The following NDUFB9 variants were observed in gnomAD, a reference collection of about 807,000 sequenced individuals.
NDUFB9 encodes NADH:ubiquinone oxidoreductase subunit B9, also known as NADH dehydrogenase [ubiquinone] 1 beta subcomplex subunit 9.
A neutral mutation model predicts 30.2 loss-of-function variants in NDUFB9; 24 were observed. The ratio of observed to expected loss-of-function variants is 0.80; its 90% CI spans 0.58 to 1.12. The LOEUF (loss-of-function observed/expected upper bound fraction) is 1.12, where lower values mean the gene tolerates loss of function less well. NDUFB9 is among the 50% of genes most tolerant of loss of function. NDUFB9 has a pLI of 0.00. For synonymous variants in NDUFB9, 80 were observed against 84.0 expected (o/e 0.95, Z 0.26); for missense variants, 204 against 226.0 (o/e 0.90, Z 0.62).
chr8:124,547,294 G>T, intron 3 of NDUFB9, 181 bp downstream of exon 3: 1 of 682,520 alleles, frequency 1.5e-6, no homozygotes, highest in South Asian at 1.5e-5. Context: ...GTAAGTTAAA[G>T]TGCATTCCCT....
At chr8:124,544,785 G>C (rs955325052) in intron 2 of NDUFB9, among the ~76,000 whole-genome samples, 2 of 151,742 alleles carry the variant, frequency 1.3e-5, no homozygotes, top group African/African-American at 4.9e-5. Flanking sequence ...CCACTTGCAA[G>C]TTTTATTATT....
chr8:124,541,485 T>C (rs1821984238), intron 1 of NDUFB9, among the ~76,000 whole-genome samples: 1 of 152,264 alleles, frequency 6.6e-6, no homozygotes, highest in Admixed American at 6.5e-5. Context: ...ACACTTGGGA[T>C]GTACCAGGCA....
intron 3 of NDUFB9, among the ~76,000 whole-genome samples, chr8:124,548,996 T>A (rs564552957): frequency 6.6e-6 from 1 of 152,236 alleles, no homozygotes; most frequent in African/African-American, 2.4e-5. Flanking sequence ...AAGGGGGCAG[T>A]GTTTTGTCAG....
At chr8:124,545,617 C>T (rs1368325219) in intron 2 of NDUFB9, among the ~76,000 whole-genome samples, 2 of 152,022 alleles carry the variant, frequency 1.3e-5, no homozygotes, top group Non-Finnish European at 2.9e-5. Flanking sequence ...CAGCCTGGAT[C>T]CCCTGGGCTC....
intron 1 of NDUFB9, 197 bp downstream of exon 1, chr8:124,539,484 C>T: frequency 1.7e-6 from 1 of 590,922 alleles, no homozygotes; most frequent in Non-Finnish European, 3.0e-6. Context: ...TGTAGAGTTG[C>T]TTGTCGGGTC....
In NDUFB9 at chr8:124,543,118, A is replaced by C. The variant is rs1282719452; in HGVS notation, c.133A>C (p.Arg45=). 6.2e-7 allele frequency: 1 copy of C among 1,614,210 alleles called. No homozygotes were observed. Among genetic ancestry groups the C allele is most frequent in the Admixed American group, 1.7e-5 (1 of 60,026 alleles). Residue 45 remains arginine, a synonymous_variant, in exon 2 of 4, where the codon AGA becomes CGA. Transcript: ENST00000276689. ...ATACCGATACTTTGCTTGTTTGATG[A>C]GAGCCCGGTTTGAAGAACATAAGAA... ...DKYRYFACLM[R]ARFEEHKNEK... is the part of the protein sequence containing the mutation.
intron 2 of NDUFB9, among the ~76,000 whole-genome samples, chr8:124,544,825 G>A (rs939863203): frequency 6.6e-5 from 10 of 151,806 alleles, no homozygotes; most frequent in Admixed American, 5.3e-4. Flanking sequence ...AGTTATAGTT[G>A]CCATAGATAG....
intron 1 of NDUFB9, among the ~76,000 whole-genome samples, chr8:124,539,772 G>C (rs970693024): frequency 6.6e-6 from 1 of 152,306 alleles, no homozygotes. Flanking sequence ...CAAGGTGATA[G>C]AGTTTCTAAG....
chr8:124,541,847 C>T (rs1474757479), intron 1 of NDUFB9, among the ~76,000 whole-genome samples: 2 of 151,870 alleles, frequency 1.3e-5, no homozygotes, highest in Non-Finnish European at 2.9e-5. Flanking sequence ...CAGGTGACCT[C>T]CACCTCAGCC....
At chr8:124,544,353 T>A (rs2131608531) in intron 2 of NDUFB9, among the ~76,000 whole-genome samples, 1 of 152,340 alleles carries the variant, frequency 6.6e-6, no homozygotes, top group Middle Eastern at 3.4e-3. Context: ...TGCAGCAAAT[T>A]ATTACACAAA....
intron 2 of NDUFB9, among the ~76,000 whole-genome samples, chr8:124,544,351 A>C (rs1198251456): frequency 6.6e-6 from 1 of 152,238 alleles, no homozygotes; most frequent in Non-Finnish European, 1.5e-5. Flanking sequence ...GCTGCAGCAA[A>C]TTATTACACA....
chr8:124,547,950 A>G (rs908974909), intron 3 of NDUFB9, among the ~76,000 whole-genome samples: 1 of 152,046 alleles, frequency 6.6e-6, no homozygotes, highest in Admixed American at 6.6e-5. Flanking sequence ...GCGCCACTGC[A>G]TTCCAGCCTG....
Position 124,539,282 on chromosome 8 carries a change from C to T in NDUFB9, c.96C>T (p.Val32=). Residue 32 remains valine, a synonymous_variant, in exon 1 of 4, where the codon GTC becomes GTT. Transcript: ENST00000276689. ...TACGCCACCTCGAGTCGTGGTGCGT[C>T]CAGAGGTAAGGGATGGGGACCCAGG... ...RALRHLESWC[V]QRDKYRYFAC... 1 of 1,614,058 alleles carries T rather than the reference C, an allele frequency of 6.2e-7. No homozygotes were observed. Among genetic ancestry groups the T allele is most frequent in the Non-Finnish European group, 8.5e-7 (1 of 1,179,980 alleles).
At chr8:124,543,900 C>T (rs1357760054) in intron 2 of NDUFB9, among the ~76,000 whole-genome samples, 2 of 152,216 alleles carry the variant, frequency 1.3e-5, no homozygotes, top group Non-Finnish European at 2.9e-5. Context: ...AAATCCGTTA[C>T]ACGTCTCTTC....
At chr8:124,546,105 G>C (rs1222357506) in intron 2 of NDUFB9, among the ~76,000 whole-genome samples, 1 of 152,240 alleles carries the variant, frequency 6.6e-6, no homozygotes, top group African/African-American at 2.4e-5. Context: ...GCTTCCCAAA[G>C]TGCTGGGATT....
intron 1 of NDUFB9, 129 bp from the exon 2 acceptor site, chr8:124,542,958 C>T: frequency 9.0e-6 from 8 of 893,310 alleles, no homozygotes; most frequent in Non-Finnish European, 1.4e-5. Context: ...TACGGCTGCT[C>T]CATTGGGAGG....
Position 124,549,792 on chromosome 8 carries a change from G to A in NDUFB9, c.440G>A (p.Gly147Asp), listed in dbSNP as rs764345953. 1.9e-6 allele frequency: 3 copies of A among 1,614,028 alleles called. No individual in the cohort carries two copies. The highest frequency in any genetic ancestry group is 2.5e-6 in the Non-Finnish European group (3 of 1,180,028). ...CAGCTGCAGGAGGAAACGCCACCTG[G>A]TGGTCCTTTAACTGAAGCTTTGCCC... ...VKQLQEETPPGGPLTEALPPA... is the reference protein window; with the variant it reads ...VKQLQEETPPDGPLTEALPPA... The change falls in exon 4 of 4, where the codon GGT (glycine) becomes GAT (aspartate). Residue 147 changes from glycine to aspartate, a missense_variant. Coordinates refer to ENST00000276689, the MANE Select transcript of NDUFB9 (RefSeq NM_005005.3).
At chr8:124,548,508 A>G (rs1209580401) in intron 3 of NDUFB9, among the ~76,000 whole-genome samples, 1 of 152,102 alleles carries the variant, frequency 6.6e-6, no homozygotes, top group Non-Finnish European at 1.5e-5. Context: ...AGCTTGCTGG[A>G]GAGTAGTAGG....
At chr8:124,544,828 A>G (rs1382785459) in intron 2 of NDUFB9, among the ~76,000 whole-genome samples, 2 of 151,874 alleles carry the variant, frequency 1.3e-5, no homozygotes, top group Non-Finnish European at 2.9e-5. Context: ...TATAGTTGCC[A>G]TAGATAGTGA....
Sources: allele counts gnomAD v4.1 joint callset (sites outside exome capture counted in the v4.1 genomes callset), GRCh38; gene constraint gnomAD v4.1.1; transcripts MANE v1.5; gene names NCBI Gene and HGNC (gene_info 2026-07-23, HGNC 2026-07-21).